The following SOX6 variants were observed in gnomAD, a reference collection of about 807,000 sequenced individuals.
The protein encoded by SOX6 is transcription factor SOX-6.
In SOX6, 11 loss-of-function variants were observed where a neutral mutation model predicts 97.8. That is an observed-to-expected ratio of 0.11 (90% CI 0.07 to 0.19). SOX6 has a LOEUF of 0.19. Among genes scored for constraint, SOX6 ranks in the 10% least tolerant of loss-of-function variants. The pLI is 1.00. For synonymous variants in SOX6, 360 were observed against 371.4 expected, an observed-to-expected ratio of 0.97 and a Z score of 0.35; for missense variants, 810 against 1,039.5, an observed-to-expected ratio of 0.78 and a Z score of 3.04.
At position 16,452,466 on chromosome 11, in the gene SOX6, C is replaced by T. The variant is rs571709779; in HGVS notation, c.-5+23849G>A. Among the ~76,000 whole-genome samples, 9 of 152,232 alleles carry T rather than the reference C, an allele frequency of 5.9e-5. No homozygotes were observed. The South Asian group carries it at 1.9e-3, about 32-fold the overall frequency. On this transcript the variant is annotated intron_variant, in intron 1 of 15. Coordinates refer to the SOX6 transcript ENST00000396356. ...AACTATATGAATTTATTCACAAAGACTATACAAGAATGAGAAGAATATTCT... is the reference window on the plus strand; with the variant it reads ...AACTATATGAATTTATTCACAAAGATTATACAAGAATGAGAAGAATATTCT...
chr11:16,564,661 A>C (rs1161075651), intron 4 of SOX6, among the ~76,000 whole-genome samples: 1 of 152,128 alleles, frequency 6.6e-6, no homozygotes, highest in Non-Finnish European at 1.5e-5. Flanking sequence ...AGAAAGAAAG[A>C]ACTATCTCCA....
intron 6 of SOX6, among the ~76,000 whole-genome samples, chr11:16,138,026 C>T (rs529979230): frequency 1.3e-5 from 2 of 152,242 alleles, no homozygotes; most frequent in South Asian, 4.1e-4. Flanking sequence ...TTCATAGCAG[C>T]ATGAGAAGAG....
chr11:16,411,495 A>C (rs1858817984), intron 1 of SOX6, among the ~76,000 whole-genome samples: 3 of 152,094 alleles, frequency 2.0e-5, no homozygotes, highest in Admixed American at 2.0e-4. Context: ...TTTATTGAGA[A>C]TACACATCTT....
intron 10 of SOX6, among the ~76,000 whole-genome samples, chr11:16,052,885 C>G (rs556201892): frequency 1.3e-5 from 2 of 152,270 alleles, no homozygotes; most frequent in East Asian, 3.9e-4. Flanking sequence ...TCTTTCCACT[C>G]TGGCTATTTC....
intron 7 of SOX6, 134 bp from the exon 8 acceptor site, chr11:16,097,822 C>G (rs1348155333): frequency 2.4e-6 from 2 of 841,070 alleles, no homozygotes; most frequent in African/African-American, 3.4e-5. Context: ...AAACAAAAGG[C>G]TTAGTTGGGC....
intron 4 of SOX6, among the ~76,000 whole-genome samples, chr11:16,499,604 G>A (rs937827220): frequency 3.9e-5 from 6 of 152,004 alleles, no homozygotes; most frequent in African/African-American, 7.3e-5. Context: ...TCAAATAGAC[G>A]CAATAAAAAA....
chr11:16,195,842 G>A (rs1401616127), intron 4 of SOX6, among the ~76,000 whole-genome samples: 1 of 152,144 alleles, frequency 6.6e-6, no homozygotes, highest in Non-Finnish European at 1.5e-5. Context: ...TCAAATATTT[G>A]CAGGAGTCCA....
intron 4 of SOX6, among the ~76,000 whole-genome samples, chr11:16,492,303 G>A (rs1314629135): frequency 1.3e-5 from 2 of 152,170 alleles, no homozygotes; most frequent in African/African-American, 4.8e-5. Context: ...ATTTTAGCCA[G>A]AGCTGCAATG....
chr11:16,285,293 G>C (rs142602111), intron 3 of SOX6, among the ~76,000 whole-genome samples: 2,744 of 152,140 alleles, frequency 0.018, 25 homozygotes, highest in Middle Eastern at 0.034. Flanking sequence ...AACACTTTGG[G>C]AGGCCAAGGC....
chr11:16,577,035 C>A (rs540134556), intron 4 of SOX6: 1 of 152,108 alleles, frequency 6.6e-6, no homozygotes, highest in Non-Finnish European at 1.5e-5. Flanking sequence ...AACGGTAAAC[C>A]GGCCCAGGTT....
intron 13 of SOX6, among the ~76,000 whole-genome samples, chr11:16,000,342 G>A (rs755019702): frequency 4.6e-5 from 7 of 152,192 alleles, no homozygotes; most frequent in African/African-American, 1.7e-4. Flanking sequence ...GAGATGTAGA[G>A]TATGCTTTGT....
chr11:16,650,220 G>A (rs915712782), intron 3 of SOX6, among the ~76,000 whole-genome samples: 17 of 152,012 alleles, frequency 1.1e-4, no homozygotes, highest in South Asian at 4.1e-4. Flanking sequence ...GCAGTAGACC[G>A]GTCATCAACA....
intron 3 of SOX6, among the ~76,000 whole-genome samples, chr11:16,711,358 G>A (rs535215007): frequency 1.2e-4 from 18 of 151,978 alleles, no homozygotes; most frequent in Admixed American, 3.9e-4. Context: ...AGGAAACCCC[G>A]TCTCTACAAG....
chr11:16,539,687 A>G (rs980626620), intron 4 of SOX6, among the ~76,000 whole-genome samples: 13 of 152,206 alleles, frequency 8.5e-5, no homozygotes, highest in Admixed American at 4.6e-4. Flanking sequence ...AGAATACTAT[A>G]AACACCTCTA....
Position 16,554,765 on chromosome 11 carries a change from A to G in SOX6, n.609+57316T>C, listed in dbSNP as rs78731923. ...AATTAAATCTTTCGAGAAGGAGGTC[A>G]GTCTGAACTGTTCCAATAAATCTTA... On this transcript the variant is annotated intron_variant and non_coding_transcript_variant, in intron 4 of 5. Coordinates refer to the SOX6 transcript ENST00000524520. 8.1e-3 allele frequency among the ~76,000 whole-genome samples: 1,240 copies of G among 152,212 alleles called. 21 individuals carry two copies. Among genetic ancestry groups the G allele is most frequent in the African/African-American group, 0.027 (1,127 of 41,572 alleles).
chr11:16,296,669 G>T (rs1171424882), intron 3 of SOX6, among the ~76,000 whole-genome samples: 1 of 152,092 alleles, frequency 6.6e-6, no homozygotes, highest in Non-Finnish European at 1.5e-5. Flanking sequence ...TGGCAAGTTT[G>T]GAGATATCAA....
chr11:16,536,951 G>C (rs1007353353), intron 4 of SOX6, among the ~76,000 whole-genome samples: 1 of 152,212 alleles, frequency 6.6e-6, no homozygotes, highest in Non-Finnish European at 1.5e-5. Flanking sequence ...GAGAGCACTG[G>C]TTCTCCCAGC....
At chr11:16,005,749 T>C (rs1217417848) in intron 13 of SOX6, among the ~76,000 whole-genome samples, 1 of 152,026 alleles carries the variant, frequency 6.6e-6, no homozygotes, top group East Asian at 1.9e-4. Context: ...TTTAAAATGA[T>C]TGAACATATT....
At chr11:16,662,949 C>A (rs981026962) in intron 3 of SOX6, among the ~76,000 whole-genome samples, 1 of 151,846 alleles carries the variant, frequency 6.6e-6, no homozygotes, top group East Asian at 1.9e-4. Context: ...ACCTTGGCCC[C>A]CAAAGTTTTG....
Sources: gnomAD v4.1 joint callset for allele counts (sites outside exome capture counted in the v4.1 genomes callset) on GRCh38, gnomAD v4.1.1 for gene constraint, MANE v1.5 for transcripts, NCBI Gene and HGNC (gene_info 2026-07-23, HGNC 2026-07-21) for gene names.